Variants in ECRG4 observed in about 807,000 individuals in gnomAD.
The protein encoded by ECRG4 is augurin.
In ECRG4, 18 loss-of-function variants were observed where a neutral mutation model predicts 15.8. That is an observed-to-expected ratio of 1.14 (90% CI 0.79 to 1.69). The LOEUF (loss-of-function observed/expected upper bound fraction) is 1.69. Among genes scored for constraint, ECRG4 ranks in the 40% most tolerant of loss-of-function variants. ECRG4 has a pLI of 0.00. For missense variants in ECRG4, 200 were observed against 190.9 expected, an observed-to-expected ratio of 1.05 and a Z score of -0.28; for synonymous variants, 82 against 73.9, an observed-to-expected ratio of 1.11 and a Z score of -0.56.
chr2:106,077,093 T>A lies in ECRG4; in HGVS notation c.286-672T>A, dbSNP rs530998755. Among the ~76,000 whole-genome samples the A allele has an allele frequency of 3.5e-4, 53 of 152,362 alleles. 1 individual carries two copies. In the South Asian group the frequency reaches 0.01, roughly 30 times the overall value. On this transcript the variant is annotated intron_variant, in intron 3 of 3. Transcript: ENST00000238044. ...TTATCTGCAACTGTCTCTTCTCATA[T>A]CTGTCACTCAGGAACAGTAGGCTTC...
At chr2:106,071,345 AAAAAAAAG>A (rs1558656745) in intron 1 of ECRG4, among the ~76,000 whole-genome samples, 5 of 129,244 alleles carry the variant, frequency 3.9e-5, no homozygotes, top group Non-Finnish European at 8.3e-5. Flanking sequence ...AAAAAAAAAA[AAAAAAAAG>A]AAAGAAAGAA....
upstream of ECRG4, chr2:106,064,235 C>T (rs1676155520): frequency 2.0e-5 from 3 of 152,208 alleles, no homozygotes; most frequent in Non-Finnish European, 4.4e-5. Flanking sequence ...AACTCAGACC[C>T]ACTTTGCACT....
chr2:106,066,629 G>A (rs1284988582), intron 1 of ECRG4, among the ~76,000 whole-genome samples: 1 of 152,204 alleles, frequency 6.6e-6, no homozygotes, highest in Non-Finnish European at 1.5e-5. Context: ...AACTAGGGGA[G>A]GCAGGGATTG....
chr2:106,076,737 G>A (rs1357342944), intron 3 of ECRG4, among the ~76,000 whole-genome samples: 1 of 152,188 alleles, frequency 6.6e-6, no homozygotes, highest in Admixed American at 6.5e-5. Flanking sequence ...GGAGTGGCTG[G>A]TGCCTGAGAA....
intron 3 of ECRG4, among the ~76,000 whole-genome samples, chr2:106,076,669 T>C (rs113546083): frequency 6.6e-6 from 1 of 152,144 alleles, no homozygotes; most frequent in Non-Finnish European, 1.5e-5. Context: ...GGCAGTCTTG[T>C]TAAAATAACA....
intron 1 of ECRG4, among the ~76,000 whole-genome samples, chr2:106,068,132 A>G (rs935728348): frequency 2.0e-5 from 3 of 152,018 alleles, no homozygotes; most frequent in African/African-American, 7.3e-5. Flanking sequence ...GGCTTGAACC[A>G]CCACGCCCTT....
At chr2:106,069,157 TTTC>T in intron 1 of ECRG4, among the ~76,000 whole-genome samples, 1 of 135,958 alleles carries the variant, frequency 7.4e-6, no homozygotes, top group Non-Finnish European at 1.6e-5. Flanking sequence ...CTTTTCTTTC[TTTC>T]TTTCTTTCTT....
intron 2 of ECRG4, 48 bp downstream of exon 2, chr2:106,071,939 A>T: frequency 6.7e-7 from 1 of 1,494,392 alleles, no homozygotes; most frequent in East Asian, 2.3e-5. Context: ...ACTGGATGGA[A>T]ATGAAATGGC....
intron 3 of ECRG4, among the ~76,000 whole-genome samples, chr2:106,075,974 T>A (rs960573777): frequency 6.6e-6 from 1 of 152,204 alleles, no homozygotes; most frequent in African/African-American, 2.4e-5. Context: ...TCAAAGATTT[T>A]AAAAAATTTT....
chr2:106,069,262 C>A (rs1488670657), intron 1 of ECRG4, among the ~76,000 whole-genome samples: 1 of 129,192 alleles, frequency 7.7e-6, no homozygotes, highest in Non-Finnish European at 1.7e-5. Context: ...CTTTCTCTTT[C>A]CTTTTTCTTT....
chr2:106,069,500 A>AT (rs1354300586), intron 1 of ECRG4, among the ~76,000 whole-genome samples: 5 of 151,596 alleles, frequency 3.3e-5, no homozygotes, highest in African/African-American at 9.7e-5. Flanking sequence ...CACTAGGCTA[A>AT]TTTTTTGTAT....
intron 1 of ECRG4, among the ~76,000 whole-genome samples, 187 bp from the exon 2 acceptor site, chr2:106,071,657 C>T (rs956394181): frequency 1.3e-5 from 2 of 152,180 alleles, no homozygotes; most frequent in African/African-American, 2.4e-5. Flanking sequence ...CAGTATTAGC[C>T]ATGGGCAGCC....
At chr2:106,066,308 A>G (rs1676214430) in intron 1 of ECRG4, among the ~76,000 whole-genome samples, 1 of 152,250 alleles carries the variant, frequency 6.6e-6, no homozygotes, top group African/African-American at 2.4e-5. Context: ...AAAGCTGGGC[A>G]CAGGCCTCAC....
At chr2:106,071,031 C>T (rs1294380205) in intron 1 of ECRG4, 4 of 471,020 alleles carry the variant, frequency 8.5e-6, no homozygotes, top group Non-Finnish European at 1.8e-5. Context: ...AATGATTGAG[C>T]TGATCAGAAA....
intron 3 of ECRG4, 135 bp from the exon 4 acceptor site, chr2:106,077,629 CG>C: frequency 1.4e-6 from 1 of 738,922 alleles, no homozygotes; most frequent in Non-Finnish European, 2.2e-6. Context: ...CACAAGAATA[CG>C]GTAACAGGGA....
At position 106,073,950 on chromosome 2, in the gene ECRG4, C is replaced by A. The variant is rs201371725; in HGVS notation, c.192C>A (p.Ser64Arg). The change falls in exon 3 of 4, where the codon AGC (serine) becomes AGA (arginine). Residue 64 changes from serine (S) to arginine (R), a missense_variant. Transcript: ENST00000238044. ...DENKAKEFLG[S>R]LKRQKRQLWD... ...ATAAAGCCAAAGAATTCCTTGGCAG[C>A]CTGAAGCGCCAGAAGCGGCAGCTGT... The A allele has an allele frequency of 1.2e-6, 2 of 1,614,236 alleles. No individual in the cohort carries two copies. Among genetic ancestry groups the A allele is most frequent in the Non-Finnish European group, 1.7e-6 (2 of 1,180,044 alleles).
intron 2 of ECRG4, among the ~76,000 whole-genome samples, chr2:106,072,804 G>A (rs888126785): frequency 2.0e-5 from 3 of 152,214 alleles, no homozygotes; most frequent in Non-Finnish European, 4.4e-5. Flanking sequence ...CCTGTGCTGT[G>A]TGGTGGCCAG....
At chr2:106,070,190 A>G (rs1267557444) in intron 1 of ECRG4, among the ~76,000 whole-genome samples, 1 of 152,252 alleles carries the variant, frequency 6.6e-6, no homozygotes, top group East Asian at 1.9e-4. Flanking sequence ...AGGCACTATC[A>G]TTAATTTACA....
Position 106,074,042 on chromosome 2 carries a change from C to A in ECRG4, c.284C>A (p.Ala95Glu). The part of the protein sequence containing the change: ...QQFLYMGFDE[A>E]KFEDDITYWL... ...TTTCTCTACATGGGCTTTGACGAAG[C>A]GGTAGGTGTTGCCTCCGGCTGCAGG... Residue 95 changes from alanine to glutamate, a missense_variant and splice_region_variant, in exon 3 of 4, where the codon GCG becomes GAG. Coordinates refer to ENST00000238044, the MANE Select transcript of ECRG4 (RefSeq NM_032411.3). 6.2e-7 allele frequency: 1 copy of A among 1,611,794 alleles called. No homozygotes were observed. The highest frequency in any genetic ancestry group is 8.5e-7 in the Non-Finnish European group (1 of 1,179,230).
Sources: gnomAD v4.1 joint callset for allele counts (sites outside exome capture counted in the v4.1 genomes callset) on GRCh38, gnomAD v4.1.1 for gene constraint, MANE v1.5 for transcripts, NCBI Gene and HGNC (gene_info 2026-07-23, HGNC 2026-07-21) for gene names.